The following HS6ST2 variants were observed in gnomAD, a reference collection of about 807,000 sequenced individuals.
The protein encoded by HS6ST2 is heparan sulfate 6-O-sulfotransferase 2, also known as heparan-sulfate 6-O-sulfotransferase 2.
In HS6ST2, 17 loss-of-function variants were observed where a neutral mutation model predicts 33.0. The ratio of observed to expected loss-of-function variants is 0.52; its 90% CI spans 0.35 to 0.77. HS6ST2 has a LOEUF of 0.77. Among genes scored for constraint, HS6ST2 ranks in the 30% least tolerant of loss-of-function variants. HS6ST2 has a pLI of 0.01. For missense variants in HS6ST2, 519 were observed against 551.7 expected (o/e 0.94, Z 0.59); for synonymous variants, 248 against 237.1 (o/e 1.05, Z -0.42).
Position 132,637,522 on chromosome X carries a change from T to A in HS6ST2, c.1068-8429A>T, listed in dbSNP as rs2063557136. 6.5e-5 allele frequency among the ~76,000 whole-genome samples: 7 copies of A among 107,315 alleles called. No homozygotes were observed. The Admixed American group carries it at 7.5e-4, about 11-fold the overall frequency. 93.2% of individuals were successfully genotyped at this position (107,315 alleles called of 115,157 possible). ...ATTTACTTTCCTTTGAGGCTACTGGTTCACGAAAGGCCATGATAAGGTTTT... is the reference window on the plus strand; with the variant it reads ...ATTTACTTTCCTTTGAGGCTACTGGATCACGAAAGGCCATGATAAGGTTTT... On this transcript the variant is annotated intron_variant, in intron 4 of 4. Coordinates refer to ENST00000370833, the MANE Select transcript of HS6ST2 (RefSeq NM_001394073.1).
chrX:132,737,020 A>C (rs985990207), intron 2 of HS6ST2, among the ~76,000 whole-genome samples: 3 of 112,113 alleles, frequency 2.7e-5, no homozygotes, highest in Non-Finnish European at 3.8e-5. Flanking sequence ...AAAAGAGGAC[A>C]AACCTGAATT....
intron 2 of HS6ST2, among the ~76,000 whole-genome samples, chrX:132,951,501 T>G (rs2067016326): frequency 9.0e-6 from 1 of 111,185 alleles, no homozygotes; most frequent in Non-Finnish European, 1.9e-5. Context: ...CCTCATACTT[T>G]AGAAAGGAAA....
chrX:132,841,118 T>A (rs1052713497), intron 2 of HS6ST2, among the ~76,000 whole-genome samples: 1 of 111,921 alleles, frequency 8.9e-6, no homozygotes, highest in African/African-American at 3.3e-5. Context: ...ATTATTTCTA[T>A]GAGAAATAAT....
At position 132,878,153 on chromosome X, in the gene HS6ST2, T is replaced by C. The variant is rs140176330; in HGVS notation, c.947+78655A>G. ...AGGAAGAATTAGGCATGCAGACACA[T>C]TAAAGGGTGAAGAGGGCAGAATTTA... On this transcript the variant is annotated intron_variant, in intron 2 of 4. Transcript: ENST00000370833. 4.7e-3 allele frequency among the ~76,000 whole-genome samples: 531 copies of C among 111,931 alleles called. 5 individuals are homozygous for C. The highest frequency in any genetic ancestry group is 0.016 in the African/African-American group (498 of 30,810).
chrX:132,847,636 T>C (rs925818795), intron 2 of HS6ST2, among the ~76,000 whole-genome samples: 2 of 111,190 alleles, frequency 1.8e-5, no homozygotes, highest in Non-Finnish European at 3.8e-5. Flanking sequence ...ATCTGAACAT[T>C]GTTAAGAGGA....
rs199664345 is a variant in HS6ST2, at chrX:132,665,857, CAT to C, written c.1067+3254_1067+3255del. Among the ~76,000 whole-genome samples, 537 of 110,693 alleles carry C rather than the reference CAT, an allele frequency of 4.9e-3. 3 individuals are homozygous for C. Among genetic ancestry groups the C allele is most frequent in the African/African-American group, 0.016 (494 of 30,406 alleles). ...GGGTAGTCTGGCTCTGCTGCTCAGACATATCCCATTCCATCTGTTCCTCCCTG... is the reference window on the plus strand; with the variant it reads ...GGGTAGTCTGGCTCTGCTGCTCAGACATCCCATTCCATCTGTTCCTCCCTG... On this transcript the variant is annotated intron_variant, in intron 4 of 4. Coordinates refer to ENST00000370833, the MANE Select transcript of HS6ST2 (RefSeq NM_001394073.1).
At chrX:132,937,667 C>G (rs779129095) in intron 2 of HS6ST2, among the ~76,000 whole-genome samples, 10 of 111,544 alleles carry the variant, frequency 9.0e-5, no homozygotes, top group Non-Finnish European at 7.5e-5. Context: ...AAACTGGACC[C>G]TTAGCCCTCA....
chrX:132,668,994 G>A (rs1407981555), intron 4 of HS6ST2, 119 bp downstream of exon 4: 3 of 471,900 alleles, frequency 6.4e-6, no homozygotes, highest in Non-Finnish European at 1.1e-5. Flanking sequence ...CCCAGTGGGA[G>A]GCACACAGAA....
chrX:132,874,697 G>A (rs1470949304), intron 2 of HS6ST2, among the ~76,000 whole-genome samples: 1 of 112,074 alleles, frequency 8.9e-6, no homozygotes, highest in African/African-American at 3.2e-5. Flanking sequence ...GTCAAACTCC[G>A]CAGTAATGAT....
At chrX:132,788,694 T>C (rs939553534) in intron 2 of HS6ST2, among the ~76,000 whole-genome samples, 2 of 112,898 alleles carry the variant, frequency 1.8e-5, no homozygotes, top group African/African-American at 6.4e-5. Flanking sequence ...CAAGTTGTGA[T>C]TGATCAGGAA....
At chrX:132,784,258 A>G (rs1441094235) in intron 2 of HS6ST2, among the ~76,000 whole-genome samples, 2 of 111,735 alleles carry the variant, frequency 1.8e-5, no homozygotes, top group Non-Finnish European at 3.8e-5. Flanking sequence ...GACTGAATGA[A>G]TTAGAATCTT....
intron 2 of HS6ST2, among the ~76,000 whole-genome samples, chrX:132,928,849 A>G (rs1240550421): frequency 9.0e-6 from 1 of 111,645 alleles, no homozygotes; most frequent in Non-Finnish European, 1.9e-5. Context: ...AATTAATAGC[A>G]GAGTCCAACT....
intron 2 of HS6ST2, among the ~76,000 whole-genome samples, chrX:132,818,248 A>T (rs765009796): frequency 9.0e-6 from 1 of 111,282 alleles, no homozygotes; most frequent in East Asian, 2.8e-4. Flanking sequence ...AAAAGCACGG[A>T]CTGCAGGGTA....
intron 2 of HS6ST2, among the ~76,000 whole-genome samples, chrX:132,904,768 TCCTCCCACATTGG>T (rs2066456476): frequency 9.4e-6 from 1 of 106,358 alleles, no homozygotes; most frequent in African/African-American, 3.4e-5. Context: ...TCTCAAGCAA[TCCTCCCACATTGG>T]CCTCCCAAAG....
intron 2 of HS6ST2, among the ~76,000 whole-genome samples, chrX:132,813,570 A>G (rs1032049491): frequency 1.8e-5 from 2 of 111,607 alleles, no homozygotes; most frequent in South Asian, 7.6e-4. Context: ...ACCGATGCCC[A>G]GGCTTCTTAT....
intron 2 of HS6ST2, chrX:132,907,338 AT>A: frequency 7.9e-6 from 1 of 127,336 alleles, no homozygotes; most frequent in South Asian, 2.9e-4. Flanking sequence ...AGATATGGAA[AT>A]TTTGGGCAAC....
chrX:132,630,900 G>A (rs904855985), intron 4 of HS6ST2, among the ~76,000 whole-genome samples: 3 of 111,768 alleles, frequency 2.7e-5, no homozygotes, highest in African/African-American at 9.8e-5. Flanking sequence ...AGCTGTGGTT[G>A]TGCCACTGCA....
At chrX:132,769,180 G>C (rs747691498) in intron 2 of HS6ST2, among the ~76,000 whole-genome samples, 4 of 111,956 alleles carry the variant, frequency 3.6e-5, no homozygotes, top group Non-Finnish European at 7.5e-5. Flanking sequence ...GGAAGTCTAC[G>C]GTGCTGAAAT....
chrX:132,763,318 C>T (rs1456537167), intron 2 of HS6ST2, among the ~76,000 whole-genome samples: 1 of 112,583 alleles, frequency 8.9e-6, no homozygotes, highest in Non-Finnish European at 1.9e-5. Context: ...AATGAGCTAA[C>T]GCATGTGAAA....
Sources: allele counts gnomAD v4.1 joint callset (sites outside exome capture counted in the v4.1 genomes callset), GRCh38; gene constraint gnomAD v4.1.1; transcripts MANE v1.5; gene names NCBI Gene and HGNC (gene_info 2026-07-23, HGNC 2026-07-21).